Variants in ERAP1 observed in about 807,000 individuals in gnomAD.
ERAP1 encodes endoplasmic reticulum aminopeptidase 1, also known as adipocyte-derived leucine aminopeptidase.
ERAP1 carries 86 observed loss-of-function variants against 103.7 expected under a neutral mutation model. The ratio of observed to expected loss-of-function variants is 0.83; its 90% CI spans 0.70 to 0.99. The LOEUF (loss-of-function observed/expected upper bound fraction) is 0.99, where lower values mean the gene tolerates loss of function less well. Ranked by LOEUF, ERAP1 falls within the 50% of genes least tolerant of loss-of-function variation. ERAP1 has a pLI of 0.00. For synonymous variants in ERAP1, 398 were observed against 402.4 expected (o/e 0.99, Z 0.13); for missense variants, 1,009 against 1,128.4 (o/e 0.89, Z 1.52).
At chr5:96,769,402 T>A (rs1378393734) in intron 19 of ERAP1, 1 of 151,946 alleles carries the variant, frequency 6.6e-6, no homozygotes, top group Admixed American at 6.6e-5. Flanking sequence ...TTTTGTTTTT[T>A]TTTTTTTGCC....
chr5:96,880,103 T>C, the ERAP1 span: 28 of 1,614,040 alleles, frequency 1.7e-5, no homozygotes, highest in Non-Finnish European at 2.4e-5. Flanking sequence ...ACTGAAAGTT[T>C]TGAGTTACCC....
intron 17 of ERAP1, 30 bp downstream of exon 17, chr5:96,781,028 A>T (rs1171366233): frequency 6.2e-7 from 1 of 1,613,528 alleles, no homozygotes; most frequent in African/African-American, 1.3e-5. Flanking sequence ...GAACTTATCC[A>T]GTCACAGCAC....
chr5:96,779,218 T>G, intron 18 of ERAP1: 1 of 152,250 alleles, frequency 6.6e-6, no homozygotes, highest in East Asian at 1.9e-4. Flanking sequence ...TTTGTCTGTC[T>G]GTTCACTGTT....
the ERAP1 span, among the ~76,000 whole-genome samples, chr5:96,869,362 G>T: frequency 6.6e-6 from 1 of 152,024 alleles, no homozygotes; most frequent in African/African-American, 2.4e-5. Context: ...CCAAGTGTTG[G>T]CTTCAGAGAG....
the ERAP1 span, among the ~76,000 whole-genome samples, chr5:96,844,072 C>T: frequency 1.3e-5 from 2 of 152,158 alleles, no homozygotes; most frequent in African/African-American, 2.4e-5. Context: ...ATTCTCCTTG[C>T]TTGGCGCCCT....
At chr5:96,762,154 C>A in exon 20 of ERAP1, 1 of 502,764 alleles carries the variant, frequency 2.0e-6, no homozygotes, top group Non-Finnish European at 3.6e-6. Flanking sequence ...TATTATGAGT[C>A]TATTTGGTCA....
chr5:96,799,358 C>T (rs1220143477), intron 3 of ERAP1, among the ~76,000 whole-genome samples: 3 of 152,268 alleles, frequency 2.0e-5, no homozygotes, highest in Non-Finnish European at 1.5e-5. Flanking sequence ...ATATCTGCAG[C>T]CTGAGGTCAG....
chr5:96,793,536 A>G, intron 6 of ERAP1, 23 bp from the exon 7 acceptor site: 1 of 1,533,044 alleles, frequency 6.5e-7, no homozygotes. Context: ...CATAAGCCAT[A>G]AACAAAGACA....
At chr5:96,844,173 A>G in the ERAP1 span, among the ~76,000 whole-genome samples, 1 of 152,196 alleles carries the variant, frequency 6.6e-6, no homozygotes, top group Non-Finnish European at 1.5e-5. Context: ...GTTCATTTCA[A>G]TAACACTGCT....
chr5:96,898,866 A>C, the ERAP1 span, among the ~76,000 whole-genome samples: 1 of 152,130 alleles, frequency 6.6e-6, no homozygotes, highest in Admixed American at 6.5e-5. Context: ...CTCAGCACCA[A>C]GTATTGTGTT....
the ERAP1 span, among the ~76,000 whole-genome samples, chr5:96,833,479 T>C: frequency 6.6e-6 from 1 of 152,222 alleles, no homozygotes; most frequent in Non-Finnish European, 1.5e-5. Context: ...AAGATAAAAA[T>C]GAACTATTTT....
At chr5:96,843,974 G>GT in the ERAP1 span, among the ~76,000 whole-genome samples, 3 of 152,270 alleles carry the variant, frequency 2.0e-5, no homozygotes, top group East Asian at 5.8e-4. Context: ...ATCTCCATGT[G>GT]TTGATTCATG....
the ERAP1 span, chr5:96,892,341 A>G: frequency 8.1e-6 from 13 of 1,613,860 alleles, no homozygotes; most frequent in East Asian, 2.7e-4. Context: ...GCCATGGAAA[A>G]TTGGGGCCTC....
chr5:96,770,551 T>G (rs756695565), downstream of ERAP1: 2 of 1,612,894 alleles, frequency 1.2e-6, no homozygotes, highest in African/African-American at 2.7e-5. Flanking sequence ...AGAAGGCTGC[T>G]TCCAGCTCCA....
At chr5:96,814,803 A>C in the ERAP1 span, among the ~76,000 whole-genome samples, 1 of 152,240 alleles carries the variant, frequency 6.6e-6, no homozygotes, top group Non-Finnish European at 1.5e-5. Flanking sequence ...TAGAGAAAAT[A>C]GTATAGGCCC....
chr5:96,835,107 T>C, the ERAP1 span, among the ~76,000 whole-genome samples: 11 of 152,232 alleles, frequency 7.2e-5, no homozygotes, highest in Non-Finnish European at 1.0e-4. Flanking sequence ...AAGTTTGCTT[T>C]CACAGTAAAG....
chr5:96,910,632 C>T, the ERAP1 span, among the ~76,000 whole-genome samples: 3 of 152,134 alleles, frequency 2.0e-5, no homozygotes, highest in African/African-American at 7.2e-5. Flanking sequence ...CCTGCAGTAA[C>T]CTACCTACAG....
the ERAP1 span, chr5:96,919,486 G>A: frequency 6.6e-6 from 1 of 152,276 alleles, no homozygotes; most frequent in Non-Finnish European, 1.5e-5. Flanking sequence ...AAATGTGTAT[G>A]AGTTTCAGTA....
chr5:96,791,933 G>T, intron 8 of ERAP1, 128 bp downstream of exon 8: 1 of 956,742 alleles, frequency 1.0e-6, no homozygotes, highest in Non-Finnish European at 1.6e-6. Context: ...GTTGACTCCA[G>T]CCAGCACGTG....
Sources: allele counts gnomAD v4.1 joint callset (sites outside exome capture counted in the v4.1 genomes callset), GRCh38; gene constraint gnomAD v4.1.1; transcripts MANE v1.5; gene names NCBI Gene and HGNC (gene_info 2026-07-23, HGNC 2026-07-21).